Variants in INHBA observed in about 807,000 individuals in gnomAD.
The protein encoded by INHBA is inhibin subunit beta A.
INHBA carries 1 observed loss-of-function variant against 29.0 expected under a neutral mutation model. That is an observed-to-expected ratio of 0.03 (90% CI 0.01 to 0.16). INHBA has a LOEUF of 0.16. Ranked by LOEUF, INHBA falls within the 10% of genes least tolerant of loss-of-function variation. The pLI is 1.00. For synonymous variants in INHBA, 242 were observed against 216.8 expected (o/e 1.12, Z -1.02); for missense variants, 376 against 545.4 (o/e 0.69, Z 3.09).
At chr7:41,697,244 A>C (rs947266115) in intron 2 of INHBA, among the ~76,000 whole-genome samples, 1 of 152,232 alleles carries the variant, frequency 6.6e-6, no homozygotes, top group African/African-American at 2.4e-5. Context: ...CAAAGAACAC[A>C]CTAACCTTGG....
intron 2 of INHBA, among the ~76,000 whole-genome samples, chr7:41,699,021 T>C (rs1794711678): frequency 6.6e-6 from 1 of 152,206 alleles, no homozygotes; most frequent in African/African-American, 2.4e-5. Context: ...CTGACGTGCA[T>C]GGGCTTGCAG....
At chr7:41,695,899 T>A (rs1295010110) in intron 2 of INHBA, among the ~76,000 whole-genome samples, 1 of 152,078 alleles carries the variant, frequency 6.6e-6, no homozygotes, top group Admixed American at 6.5e-5. Flanking sequence ...CCAAGACAAA[T>A]ATGTGTTTTC....
Position 41,686,573 on chromosome 7 carries a change from A to C in INHBA, c.*3077T>G, listed in dbSNP as rs990449886. The C allele has an allele frequency of 1.3e-5, 2 of 152,206 alleles. No individual in the cohort carries two copies. Among genetic ancestry groups the C allele is most frequent in the Non-Finnish European group, 2.9e-5 (2 of 68,030 alleles). 9.4% of individuals were successfully genotyped at this position (152,206 alleles called of 1,614,324 possible). On this transcript the variant is annotated 3_prime_UTR_variant, in exon 3 of 3. Transcript: ENST00000242208. ...TTCAATGTTATCAAAAAATGGTAGC[A>C]ACTTATACTTCTATTTCAAAGCCAT...
At chr7:41,703,121 A>T (rs942689737), upstream of INHBA, 1 of 152,222 alleles carries the variant, frequency 6.6e-6, no homozygotes, top group South Asian at 2.1e-4. Context: ...TTATTTGTAC[A>T]CCACACATTG....
At position 41,689,431 on chromosome 7, in the gene INHBA, C is replaced by T. The variant is rs749414503; in HGVS notation, c.*219G>A. ...CTCCCAATTCCTGTCTCTTTCACTGCTTCATCTCTGAGCCCTGGCTAAGGA... is the reference window on the plus strand; with the variant it reads ...CTCCCAATTCCTGTCTCTTTCACTGTTTCATCTCTGAGCCCTGGCTAAGGA... On this transcript the variant is annotated 3_prime_UTR_variant, in exon 3 of 3. Transcript: ENST00000242208. The T allele has an allele frequency of 4.1e-6, 2 of 483,890 alleles. No homozygotes were observed. Among genetic ancestry groups the T allele is most frequent in the Non-Finnish European group, 7.2e-6 (2 of 279,572 alleles). 30.0% of individuals were successfully genotyped at this position (483,890 alleles called of 1,614,324 possible). A position where few individuals can be genotyped will look rare whatever the true frequency, so the allele number is the denominator to read the frequency against.
At chr7:41,695,275 T>G (rs1054836023) in intron 2 of INHBA, among the ~76,000 whole-genome samples, 1 of 152,242 alleles carries the variant, frequency 6.6e-6, no homozygotes, top group African/African-American at 2.4e-5. Flanking sequence ...TAGAACACAT[T>G]TAAACTTACC....
chr7:41,694,592 C>T (rs1446928365), intron 2 of INHBA, among the ~76,000 whole-genome samples: 1 of 152,220 alleles, frequency 6.6e-6, no homozygotes, highest in Non-Finnish European at 1.5e-5. Flanking sequence ...CCAGATATAG[C>T]TGGTTGCTTT....
chr7:41,700,002 T>C lies in INHBA; in HGVS notation c.373A>G (p.Thr125Ala). The stretch of plus-strand genomic sequence containing the variant: ...CAGCACCAACCTGACTCGGCAAACG[T>C]GATGATCTCCGAGGTCTGCTCCATA... ...ELMEQTSEII[T>A]FAESGTARKT... The change falls in exon 2 of 3, where the codon ACG (threonine) becomes GCG (alanine). Residue 125 changes from threonine to alanine, a missense_variant. Coordinates refer to ENST00000242208, the MANE Select transcript of INHBA (RefSeq NM_002192.4). 1 of 1,332,104 alleles carries C rather than the reference T, an allele frequency of 7.5e-7. No individual in the cohort carries two copies. Among genetic ancestry groups the C allele is most frequent in the South Asian group, 1.2e-5 (1 of 83,962 alleles). The allele number at this position is 1,332,104 out of a possible 1,614,324, so 82.5% of individuals were successfully genotyped here. A position where few individuals can be genotyped will look rare whatever the true frequency, so the allele number is the denominator to read the frequency against.
chr7:41,698,326 A>G (rs1009728626), intron 2 of INHBA, among the ~76,000 whole-genome samples: 1 of 152,208 alleles, frequency 6.6e-6, no homozygotes, highest in Non-Finnish European at 1.5e-5. Flanking sequence ...GTCATATGAC[A>G]TGGTTAAAGG....
intron 2 of INHBA, chr7:41,691,285 C>T (rs1794520079): frequency 6.6e-6 from 1 of 152,426 alleles, no homozygotes; most frequent in African/African-American, 2.4e-5. Flanking sequence ...TTTGCTGGGT[C>T]ACTGCAGCAG....
upstream of INHBA, among the ~76,000 whole-genome samples, chr7:41,703,908 T>C (rs758475077): frequency 1.3e-5 from 2 of 152,248 alleles, no homozygotes; most frequent in Middle Eastern, 3.4e-3. Context: ...AAGTGAACAC[T>C]CCTTGAAATA....
rs1794477279 is a variant in INHBA, at chr7:41,690,452, T to C, written c.479A>G (p.Lys160Arg). 1.9e-5 allele frequency: 30 copies of C among 1,614,028 alleles called. No homozygotes were observed. The highest frequency in any genetic ancestry group is 2.5e-5 in the Non-Finnish European group (30 of 1,180,024). ...CCTGGTCCTGTTGGCCTTGGGGACT[T>C]TTAGGAAGAGCCAGACTTCTGCACG... ...VERAEVWLFLKVPKANRTRTK... is the reference protein window; with the variant it reads ...VERAEVWLFLRVPKANRTRTK... Residue 160 changes from lysine (K) to arginine (R), a missense_variant, in exon 3 of 3, where the codon AAA becomes AGA. By Grantham distance (26) the Lys-to-Arg change is conservative. Transcript: ENST00000242208.
At position 41,691,239 on chromosome 7, in the gene INHBA, T is replaced by C. The variant is rs1354999474; in HGVS notation, c.389-697A>G. On this transcript the variant is annotated intron_variant, in intron 2 of 2. Coordinates refer to ENST00000242208, the MANE Select transcript of INHBA (RefSeq NM_002192.4). ...AGACACACTTGAGCCAGCCTCTTCT[T>C]CCCTTGTCACAGCCTGATTCCTCCG... 2.6e-5 allele frequency: 4 copies of C among 152,332 alleles called. No homozygotes were observed. The East Asian group carries it at 5.8e-4, about 22-fold the overall frequency. 9.4% of individuals were successfully genotyped at this position (152,332 alleles called of 1,614,324 possible). A position where few individuals can be genotyped will look rare whatever the true frequency, so the allele number is the denominator to read the frequency against.
upstream of INHBA, among the ~76,000 whole-genome samples, chr7:41,703,642 T>G (rs1252215662): frequency 6.6e-6 from 1 of 152,182 alleles, no homozygotes; most frequent in Non-Finnish European, 1.5e-5. Flanking sequence ...ACTTACACTA[T>G]TATTTTACAT....
In INHBA at chr7:41,690,560, C is replaced by T. The variant is rs370613689; in HGVS notation, c.389-18G>A. On this transcript the variant is annotated intron_variant, in intron 2 of 2. Transcript: ENST00000242208. ...GGCTGTTCCTGAAGATGAAAGACAG[C>T]ATAAGAGAAAACAGGCACACCTGTT... is the stretch of plus-strand genomic sequence containing the variant. 23 of 1,556,156 alleles carry T rather than the reference C, an allele frequency of 1.5e-5. No homozygotes were observed. The African/African-American group carries it at 2.1e-4, about 14-fold the overall frequency.
upstream of INHBA, among the ~76,000 whole-genome samples, chr7:41,704,000 GA>G: frequency 6.6e-6 from 1 of 152,296 alleles, no homozygotes; most frequent in East Asian, 1.9e-4. Flanking sequence ...GGGGTCCTCT[GA>G]CAAGAACGGT....
At chr7:41,702,700 A>G (rs1008244897) in intron 1 of INHBA, among the ~76,000 whole-genome samples, 7 of 152,202 alleles carry the variant, frequency 4.6e-5, no homozygotes, top group African/African-American at 1.7e-4. Context: ...ACTTATCAAT[A>G]TTTGGATTCT....
upstream of INHBA, among the ~76,000 whole-genome samples, chr7:41,703,401 C>A (rs1295534532): frequency 1.3e-5 from 2 of 152,148 alleles, no homozygotes; most frequent in Non-Finnish European, 2.9e-5. Context: ...TACTCGCACA[C>A]ACGTCTCGTT....
In INHBA at chr7:41,689,104, G is replaced by C. The variant is rs1794442970; in HGVS notation, c.*546C>G. 3.3e-5 allele frequency: 3 copies of C among 90,948 alleles called. No individual in the cohort carries two copies. The highest frequency in any genetic ancestry group is 3.9e-5 in the African/African-American group (1 of 25,952). 5.6% of individuals were successfully genotyped at this position (90,948 alleles called of 1,614,324 possible). On this transcript the variant is annotated 3_prime_UTR_variant, in exon 3 of 3. Coordinates refer to ENST00000242208, the MANE Select transcript of INHBA (RefSeq NM_002192.4). The stretch of plus-strand genomic sequence containing the variant: ...ATATATGTAATGTGTGGAAATGCCT[G>C]TGTGTGTGTGTGTGTGTGTGTGTGT...
Sources: allele counts gnomAD v4.1 joint callset (sites outside exome capture counted in the v4.1 genomes callset), GRCh38; gene constraint gnomAD v4.1.1; transcripts MANE v1.5; gene names NCBI Gene and HGNC (gene_info 2026-07-23, HGNC 2026-07-21).